Variants in CTNNA3 observed in about 807,000 individuals in gnomAD.
CTNNA3 encodes catenin alpha-3.
CTNNA3 carries 76 observed loss-of-function variants against 95.7 expected under a neutral mutation model. That is an observed-to-expected ratio of 0.79 (90% CI 0.66 to 0.96). CTNNA3 has a LOEUF of 0.96. CTNNA3 is among the 40% of genes least tolerant of loss of function. CTNNA3 has a pLI of 0.00. For missense variants in CTNNA3, 1,191 were observed against 1,089.8 expected (o/e 1.09, Z -1.31); for synonymous variants, 431 against 374.4 (o/e 1.15, Z -1.74).
rs74875504 is a variant in CTNNA3, at chr10:66,975,119, G to A, written c.1048-199595C>T. Among the ~76,000 whole-genome samples, 851 of 152,150 alleles carry A rather than the reference G, an allele frequency of 5.6e-3. 11 individuals are homozygous for A. The highest frequency in any genetic ancestry group is 0.019 in the African/African-American group (805 of 41,510). ...TCATTCTTTAGTCCCATTTAAAATC[G>A]GCATTTCATCATTTCAAAAATCCTG... On this transcript the variant is annotated intron_variant, in intron 7 of 17. Coordinates refer to ENST00000433211, the MANE Select transcript of CTNNA3 (RefSeq NM_013266.4).
intron 7 of CTNNA3, among the ~76,000 whole-genome samples, chr10:67,131,729 C>T (rs192023461): frequency 1.2e-3 from 179 of 152,024 alleles, no homozygotes; most frequent in Non-Finnish European, 1.4e-3. Flanking sequence ...CCCAGAAAGT[C>T]CTGAGCAGAG....
intron 12 of CTNNA3, among the ~76,000 whole-genome samples, chr10:66,324,501 G>A (rs1204125475): frequency 6.6e-6 from 1 of 152,158 alleles, no homozygotes; most frequent in African/African-American, 2.4e-5. Flanking sequence ...TGTGCAGACA[G>A]CAAGGCTAAG....
intron 11 of CTNNA3, among the ~76,000 whole-genome samples, chr10:66,473,220 C>T (rs1429780505): frequency 6.6e-6 from 1 of 151,896 alleles, no homozygotes; most frequent in Admixed American, 6.6e-5. Flanking sequence ...ATTCTAATCC[C>T]CATAATCCCC....
chr10:66,692,700 G>T (rs1208198983), intron 9 of CTNNA3, among the ~76,000 whole-genome samples: 1 of 152,058 alleles, frequency 6.6e-6, no homozygotes, highest in Non-Finnish European at 1.5e-5. Flanking sequence ...AAATGTTAAG[G>T]GCAGCCAGAG....
At chr10:66,131,967 A>G (rs938027112) in intron 13 of CTNNA3, among the ~76,000 whole-genome samples, 4 of 152,190 alleles carry the variant, frequency 2.6e-5, no homozygotes, top group Non-Finnish European at 5.9e-5. Flanking sequence ...AACCTAGGCA[A>G]TACCATTCAG....
intron 1 of CTNNA3, among the ~76,000 whole-genome samples, chr10:67,745,420 A>G (rs1435035315): frequency 6.6e-6 from 1 of 150,764 alleles, no homozygotes; most frequent in African/African-American, 2.4e-5. Context: ...CAAAAAACCA[A>G]ACACCACATG....
chr10:66,411,980 C>T (rs370294317), intron 11 of CTNNA3, among the ~76,000 whole-genome samples: 61 of 152,282 alleles, frequency 4.0e-4, no homozygotes, highest in African/African-American at 1.3e-3. Flanking sequence ...CTATCCCCAT[C>T]TCCGTCAGTC....
chr10:65,920,347 C>G lies in CTNNA3; in HGVS notation c.2671G>C (p.Gly891Arg), dbSNP rs2077062531. The change falls in exon 18 of 18, where the codon GGA (glycine) becomes CGA (arginine). Residue 891 changes from glycine (G) to arginine (R), a missense_variant. By Grantham distance (125) the Gly-to-Arg change is moderately radical. Transcript: ENST00000433211. ...TAGTGGTTTCAGTAGATTTGTCTTCCTCTAAATTCACTCATGACTTGCAAT... is the reference window on the plus strand; with the variant it reads ...TAGTGGTTTCAGTAGATTTGTCTTCGTCTAAATTCACTCATGACTTGCAAT... ...HPLQVMSEFR[G>R]RQIY 6.2e-7 allele frequency: 1 copy of G among 1,613,582 alleles called. No individual in the cohort carries two copies. Among genetic ancestry groups the G allele is most frequent in the Non-Finnish European group, 8.5e-7 (1 of 1,179,852 alleles).
intron 10 of CTNNA3, among the ~76,000 whole-genome samples, chr10:66,561,876 C>A (rs776101579): frequency 1.3e-5 from 2 of 151,962 alleles, no homozygotes; most frequent in African/African-American, 4.8e-5. Context: ...ATTTGAATTG[C>A]TCTATATTGT....
intron 11 of CTNNA3, among the ~76,000 whole-genome samples, chr10:66,450,862 C>G (rs1456554570): frequency 2.0e-5 from 3 of 152,242 alleles, no homozygotes; most frequent in South Asian, 4.1e-4. Flanking sequence ...CCAACTCACT[C>G]TTCAAGACAC....
intron 7 of CTNNA3, among the ~76,000 whole-genome samples, chr10:67,044,246 G>T (rs2133158433): frequency 6.6e-6 from 1 of 152,180 alleles, no homozygotes; most frequent in South Asian, 2.1e-4. Context: ...TTTTCAAGGA[G>T]ATCAGAAATC....
chr10:67,005,844 C>T (rs997157452), intron 7 of CTNNA3, among the ~76,000 whole-genome samples: 4 of 151,376 alleles, frequency 2.6e-5, no homozygotes, highest in African/African-American at 9.7e-5. Context: ...TGCCACTATG[C>T]CTGGCTAATT....
chr10:67,033,426 T>C (rs1202953281), intron 7 of CTNNA3, among the ~76,000 whole-genome samples: 3 of 152,154 alleles, frequency 2.0e-5, no homozygotes, highest in Non-Finnish European at 4.4e-5. Flanking sequence ...GTTCCCCAAA[T>C]CAGATTATTA....
chr10:66,020,007 T>A (rs1168427185), intron 15 of CTNNA3, among the ~76,000 whole-genome samples: 1 of 152,224 alleles, frequency 6.6e-6, no homozygotes, highest in African/African-American at 2.4e-5. Flanking sequence ...GCTACCTGAT[T>A]TTTAAGCATT....
intron 5 of CTNNA3, among the ~76,000 whole-genome samples, chr10:67,459,078 T>C (rs1030504251): frequency 2.6e-5 from 4 of 152,220 alleles, no homozygotes; most frequent in Admixed American, 2.6e-4. Flanking sequence ...GCACCACTAT[T>C]AATATATGAA....
At chr10:66,850,766 G>T (rs748768770) in intron 7 of CTNNA3, among the ~76,000 whole-genome samples, 2 of 151,934 alleles carry the variant, frequency 1.3e-5, no homozygotes, top group Non-Finnish European at 2.9e-5. Flanking sequence ...ATTTTAAGGA[G>T]CTCAGACCAT....
At chr10:67,637,959 T>C (rs1839382300) in intron 2 of CTNNA3, among the ~76,000 whole-genome samples, 2 of 152,126 alleles carry the variant, frequency 1.3e-5, no homozygotes, top group Admixed American at 6.6e-5. Flanking sequence ...CATCAACTAA[T>C]GAGCAAAATA....
At chr10:66,171,885 G>T (rs2085451817) in intron 13 of CTNNA3, among the ~76,000 whole-genome samples, 1 of 152,094 alleles carries the variant, frequency 6.6e-6, no homozygotes. Context: ...CATCAATGCT[G>T]CTGGGCAGCT....
At chr10:66,742,345 C>T (rs1411854268) in intron 9 of CTNNA3, among the ~76,000 whole-genome samples, 2 of 152,140 alleles carry the variant, frequency 1.3e-5, no homozygotes, top group African/African-American at 2.4e-5. Context: ...TGCTCTCAAA[C>T]CCTGTCTCCT....
Sources: allele counts gnomAD v4.1 joint callset (sites outside exome capture counted in the v4.1 genomes callset), GRCh38; gene constraint gnomAD v4.1.1; transcripts MANE v1.5; gene names NCBI Gene and HGNC (gene_info 2026-07-23, HGNC 2026-07-21).